TNNI3K: variants seen among roughly 807,000 people sequenced by gnomAD.
TNNI3K encodes serine/threonine-protein kinase TNNI3K.
Under a neutral mutation model 114.5 loss-of-function variants are expected in TNNI3K, and 140 were observed. The ratio of observed to expected loss-of-function variants is 1.22; its 90% CI spans 1.07 to 1.41. TNNI3K has a LOEUF of 1.41. Ranked by LOEUF, TNNI3K falls within the 40% of genes most tolerant of loss-of-function variation. TNNI3K has a pLI of 0.00. For synonymous variants in TNNI3K, 347 were observed against 347.5 expected, an observed-to-expected ratio of 1.00 and a Z score of 0.02; for missense variants, 1,125 against 1,007.6, an observed-to-expected ratio of 1.12 and a Z score of -1.58.
intron 5 of TNNI3K, among the ~76,000 whole-genome samples, chr1:74,273,383 C>A (rs574102623): frequency 1.1e-4 from 17 of 151,924 alleles, no homozygotes; most frequent in Admixed American, 7.9e-4. Context: ...AAGAAAGAAA[C>A]TGAGGCCAGT....
rs1280749602 is a variant in TNNI3K, at chr1:74,252,258, T to C, written c.333+1489T>C. On this transcript the variant is annotated intron_variant, in intron 4 of 24. Coordinates refer to ENST00000326637, the MANE Select transcript of TNNI3K (RefSeq NM_015978.3). ...TAATTAAATTTCCACTTTTAGAGTT[T>C]TCTTTGCTCTATTTTTATGTTTTTT... is the stretch of plus-strand genomic sequence containing the variant. 2.6e-5 allele frequency among the ~76,000 whole-genome samples: 4 copies of C among 152,366 alleles called. No homozygotes were observed. The East Asian group carries it at 7.7e-4, about 29-fold the overall frequency.
intron 11 of TNNI3K, among the ~76,000 whole-genome samples, chr1:74,365,383 A>G (rs1404021192): frequency 6.6e-6 from 1 of 152,070 alleles, no homozygotes; most frequent in African/African-American, 2.4e-5. Flanking sequence ...GATGAGCATC[A>G]CCTGGGACCT....
At position 74,271,675 on chromosome 1, in the gene TNNI3K, C is replaced by T; in HGVS notation, c.411C>T (p.Ala137=). 1 of 1,608,562 alleles carries T rather than the reference C, an allele frequency of 6.2e-7. No individual in the cohort carries two copies. Among genetic ancestry groups the T allele is most frequent in the Non-Finnish European group, 8.5e-7 (1 of 1,176,834 alleles). The change falls in exon 5 of 25, where the codon GCC becomes GCT. Residue 137 remains alanine, a synonymous_variant. Coordinates refer to ENST00000326637, the MANE Select transcript of TNNI3K (RefSeq NM_015978.3). ...AGGTTGGATACGGTGGCCTCACTGC[C>T]CTCCATATTGCTACAATAGCTGGCC... ...IQQVGYGGLT[A]LHIATIAGHL...
chr1:74,498,868 T>C (rs543039095), intron 23 of TNNI3K, among the ~76,000 whole-genome samples: 4 of 152,214 alleles, frequency 2.6e-5, no homozygotes, highest in Non-Finnish European at 5.9e-5. Flanking sequence ...AAAATTTTAA[T>C]ATTTAAAACT....
intron 4 of TNNI3K, 71 bp from the exon 5 acceptor site, chr1:74,271,527 T>A: frequency 7.1e-7 from 1 of 1,417,904 alleles, no homozygotes; most frequent in Non-Finnish European, 9.5e-7. Flanking sequence ...AGAAAATCAA[T>A]ACATCCTGTT....
chr1:74,458,355 G>A (rs986662050), intron 20 of TNNI3K, among the ~76,000 whole-genome samples: 1 of 152,162 alleles, frequency 6.6e-6, no homozygotes, highest in African/African-American at 2.4e-5. Context: ...GGTTTAATTA[G>A]TATCTCCCAG....
At chr1:74,349,526 G>A (rs1661212600) in intron 9 of TNNI3K, among the ~76,000 whole-genome samples, 1 of 152,120 alleles carries the variant, frequency 6.6e-6, no homozygotes, top group Admixed American at 6.6e-5. Flanking sequence ...CTATTGATTG[G>A]AATAGTTTCA....
chr1:74,514,500 G>C (rs1646319918), intron 23 of TNNI3K, among the ~76,000 whole-genome samples: 1 of 152,106 alleles, frequency 6.6e-6, no homozygotes, highest in African/African-American at 2.4e-5. Flanking sequence ...GAAAAGTCTT[G>C]ATAGAATTTA....
chr1:74,502,402 A>G (rs1669678425), intron 23 of TNNI3K, among the ~76,000 whole-genome samples: 1 of 152,216 alleles, frequency 6.6e-6, no homozygotes, highest in Admixed American at 6.5e-5. Flanking sequence ...TATTTTTTAG[A>G]TAAAACAGAA....
intron 21 of TNNI3K, chr1:74,470,490 A>C (rs1189334552): frequency 5.0e-6 from 2 of 400,540 alleles, no homozygotes; most frequent in Non-Finnish European, 8.8e-6. Flanking sequence ...CGGCTTGACT[A>C]CTAACAGGAG....
At chr1:74,264,691 G>C (rs568086482) in intron 4 of TNNI3K, among the ~76,000 whole-genome samples, 2 of 152,044 alleles carry the variant, frequency 1.3e-5, no homozygotes, top group Middle Eastern at 3.4e-3. Flanking sequence ...GGTGAATAAG[G>C]TATTACAGAA....
chr1:74,431,490 A>G (rs1333431908), intron 17 of TNNI3K, among the ~76,000 whole-genome samples: 3 of 152,114 alleles, frequency 2.0e-5, no homozygotes, highest in South Asian at 2.1e-4. Flanking sequence ...CTGAAGGCAT[A>G]CACTGCAATT....
chr1:74,311,441 G>C (rs941897204), intron 5 of TNNI3K, among the ~76,000 whole-genome samples: 1 of 152,010 alleles, frequency 6.6e-6, no homozygotes, highest in African/African-American at 2.4e-5. Context: ...AGTCCCCTTG[G>C]TTCTAATGAA....
Position 74,385,470 on chromosome 1 carries a change from G to T in TNNI3K, c.1772+15078G>T, listed in dbSNP as rs527618574. Reference sequence around the variant, plus strand: ...TAGAAAGAGGTATGTAAAGTAATGTGAATTGGCACCTTTCCAATCATGAAC... The same window carrying T: ...TAGAAAGAGGTATGTAAAGTAATGTTAATTGGCACCTTTCCAATCATGAAC... On this transcript the variant is annotated intron_variant, in intron 17 of 24. Transcript: ENST00000326637. Among the ~76,000 whole-genome samples the T allele has an allele frequency of 3.6e-4, 55 of 152,248 alleles. 1 individual carries two copies. Among genetic ancestry groups the T allele is most frequent in the Non-Finnish European group, 1.8e-4 (12 of 68,016 alleles).
At chr1:74,424,493 T>G (rs1665536538) in intron 17 of TNNI3K, among the ~76,000 whole-genome samples, 1 of 151,986 alleles carries the variant, frequency 6.6e-6, no homozygotes, top group African/African-American at 2.4e-5. Context: ...CCAAGGTGGG[T>G]GGACCACTTG....
At chr1:74,515,599 G>C (rs1646337963) in intron 23 of TNNI3K, among the ~76,000 whole-genome samples, 1 of 152,122 alleles carries the variant, frequency 6.6e-6, no homozygotes, top group African/African-American at 2.4e-5. Flanking sequence ...AGTAATTGAG[G>C]TCAGACATAA....
intron 23 of TNNI3K, among the ~76,000 whole-genome samples, chr1:74,524,414 A>C (rs571191924): frequency 6.6e-6 from 1 of 152,290 alleles, no homozygotes; most frequent in East Asian, 1.9e-4. Context: ...GTGGAGTTTC[A>C]CTGGCTGTGG....
At chr1:74,493,716 G>A (rs1032513879) in intron 23 of TNNI3K, among the ~76,000 whole-genome samples, 2 of 152,082 alleles carry the variant, frequency 1.3e-5, no homozygotes, top group African/African-American at 4.8e-5. Flanking sequence ...AACCTCCTTG[G>A]ACACCCACAT....
chr1:74,529,999 C>A (rs1646559577), intron 23 of TNNI3K, among the ~76,000 whole-genome samples: 1 of 152,068 alleles, frequency 6.6e-6, no homozygotes, highest in Admixed American at 6.6e-5. Context: ...GGGTCTTAAT[C>A]TGTCACCCAG....
Sources: allele counts gnomAD v4.1 joint callset (sites outside exome capture counted in the v4.1 genomes callset), GRCh38; gene constraint gnomAD v4.1.1; transcripts MANE v1.5; gene names NCBI Gene and HGNC (gene_info 2026-07-23, HGNC 2026-07-21).